HIVEP1: variants seen among roughly 807,000 people sequenced by gnomAD.
HIVEP1 encodes the protein HIVEP zinc finger 1, also known as zinc finger protein 40.
In HIVEP1, 36 loss-of-function variants were observed where a neutral mutation model predicts 180.0. That is an observed-to-expected ratio of 0.20 (90% CI 0.15 to 0.26). The LOEUF (loss-of-function observed/expected upper bound fraction) is 0.26, where lower values mean the gene tolerates loss of function less well. Ranked by LOEUF, HIVEP1 falls within the 10% of genes least tolerant of loss-of-function variation. The pLI is 1.00. For missense variants in HIVEP1, 3,143 were observed against 3,268.7 expected (o/e 0.96, Z 0.94); for synonymous variants, 1,239 against 1,239.0 (o/e 1.00, Z 0.00).
intron 7 of HIVEP1, among the ~76,000 whole-genome samples, chr6:12,152,446 TAA>T (rs1759762699): frequency 6.6e-6 from 1 of 152,092 alleles, no homozygotes; most frequent in African/African-American, 2.4e-5. Context: ...GGGAAGTATA[TAA>T]AGGACTTTTA....
At chr6:12,199,894 GC>G in the HIVEP1 span, among the ~76,000 whole-genome samples, 4 of 152,164 alleles carry the variant, frequency 2.6e-5, no homozygotes, top group Admixed American at 2.6e-4. Context: ...GCTGGGTGCT[GC>G]CCTGTCTGTG....
At chr6:12,039,727 G>A (rs1769544241) in intron 2 of HIVEP1, among the ~76,000 whole-genome samples, 1 of 152,186 alleles carries the variant, frequency 6.6e-6, no homozygotes, top group South Asian at 2.1e-4. Flanking sequence ...TCATTGGAAG[G>A]GGTGTCAGGT....
upstream of HIVEP1, among the ~76,000 whole-genome samples, chr6:12,009,207 A>AT (rs1767157125): frequency 6.8e-6 from 1 of 147,308 alleles, no homozygotes; most frequent in African/African-American, 2.5e-5. Context: ...GGGGTGCCTG[A>AT]GCCGGGCCCG....
intron 3 of HIVEP1, among the ~76,000 whole-genome samples, chr6:12,109,831 A>T (rs550249273): frequency 1.3e-5 from 2 of 152,318 alleles, no homozygotes; most frequent in Non-Finnish European, 2.9e-5. Context: ...AAGGCTTTCA[A>T]TTTGCTTTGC....
At chr6:12,206,913 G>A in the HIVEP1 span, among the ~76,000 whole-genome samples, 81 of 151,490 alleles carry the variant, frequency 5.3e-4, no homozygotes, top group Admixed American at 1.0e-3. Context: ...GGGTGATTGC[G>A]AGTAGGAGTG....
intron 2 of HIVEP1, among the ~76,000 whole-genome samples, chr6:12,081,274 G>A (rs754629195): frequency 1.3e-5 from 2 of 152,242 alleles, no homozygotes; most frequent in South Asian, 4.1e-4. Flanking sequence ...TTCACAGATT[G>A]CCTAGTTCCT....
chr6:12,054,640 A>G (rs1770746186), intron 2 of HIVEP1, among the ~76,000 whole-genome samples: 2 of 152,206 alleles, frequency 1.3e-5, no homozygotes, highest in African/African-American at 4.8e-5. Flanking sequence ...ACTGCATAAT[A>G]TTGTATCACA....
chr6:12,041,947 C>T (rs1216270518), intron 2 of HIVEP1, among the ~76,000 whole-genome samples: 4 of 151,778 alleles, frequency 2.6e-5, no homozygotes, highest in Non-Finnish European at 1.5e-5. Flanking sequence ...GTGTGAGTCA[C>T]CGTGCCTGGC....
At chr6:12,192,618 T>C in the HIVEP1 span, among the ~76,000 whole-genome samples, 1 of 152,096 alleles carries the variant, frequency 6.6e-6, no homozygotes, top group African/African-American at 2.4e-5. Context: ...GGCACTTCCC[T>C]CTTTGCTCTC....
At chr6:12,076,486 T>G (rs1179290440) in intron 2 of HIVEP1, among the ~76,000 whole-genome samples, 2 of 152,182 alleles carry the variant, frequency 1.3e-5, no homozygotes, top group Non-Finnish European at 2.9e-5. Flanking sequence ...TTTTCACAGT[T>G]CTGGGGGCTG....
chr6:12,165,365 C>T (rs1760673653), downstream of HIVEP1, among the ~76,000 whole-genome samples: 2 of 152,098 alleles, frequency 1.3e-5, no homozygotes, highest in African/African-American at 4.8e-5. Context: ...TCAGATGAGA[C>T]CCGTATAACC....
At chr6:12,105,699 C>T (rs2113420143) in intron 3 of HIVEP1, among the ~76,000 whole-genome samples, 1 of 152,274 alleles carries the variant, frequency 6.6e-6, no homozygotes, top group Middle Eastern at 3.4e-3. Context: ...ATGAAAATTA[C>T]ATACACACAC....
intron 3 of HIVEP1, among the ~76,000 whole-genome samples, chr6:12,115,319 A>C (rs1412572609): frequency 6.7e-6 from 1 of 150,088 alleles, no homozygotes; most frequent in South Asian, 2.1e-4. Flanking sequence ...CATAGAACAC[A>C]GGAATCTTAA....
intron 7 of HIVEP1, among the ~76,000 whole-genome samples, chr6:12,150,833 C>T (rs1000627570): frequency 1.3e-5 from 2 of 151,892 alleles, no homozygotes. Flanking sequence ...AATTTTTTCC[C>T]TAGGTTGCCA....
chr6:12,057,263 A>G (rs1770944034), intron 2 of HIVEP1, among the ~76,000 whole-genome samples: 1 of 152,190 alleles, frequency 6.6e-6, no homozygotes, highest in South Asian at 2.1e-4. Flanking sequence ...GGTGCATTTA[A>G]AAGTATTGCC....
the HIVEP1 span, among the ~76,000 whole-genome samples, chr6:12,177,990 A>G: frequency 0.038 from 5,722 of 152,310 alleles, 109 homozygotes; most frequent in Non-Finnish European, 0.045. Flanking sequence ...ATTTCAAAGT[A>G]TAACTATGAA....
chr6:12,164,099 T>C lies in HIVEP1; in HGVS notation c.7795T>C (p.Ser2599Pro). Residue 2599 changes from serine (S) to proline (P), a missense_variant, in exon 9 of 9, where the codon TCT (serine) becomes CCT (proline). By Grantham distance (74) the Ser-to-Pro change is moderately conservative (BLOSUM62 -1). Transcript: ENST00000379388. ...CGCAAACCAGGTCAGCAGGACCGAG[T>C]CTCCTCAGGGGTTACCTACAGTCCA... The part of the protein sequence containing the change: ...ASANQVSRTE[S>P]PQGLPTVQRE... The C allele has an allele frequency of 6.2e-7, 1 of 1,613,816 alleles. No individual in the cohort carries two copies.
intron 2 of HIVEP1, among the ~76,000 whole-genome samples, chr6:12,054,241 A>C (rs1193318196): frequency 6.6e-6 from 1 of 152,248 alleles, no homozygotes; most frequent in Non-Finnish European, 1.5e-5. Flanking sequence ...TATGCTGTGG[A>C]AACTATGGTA....
intron 7 of HIVEP1, among the ~76,000 whole-genome samples, chr6:12,143,782 C>G (rs148493085): frequency 2.6e-5 from 4 of 152,242 alleles, no homozygotes; most frequent in African/African-American, 9.6e-5. Flanking sequence ...AACTCCCATT[C>G]CCAATTGCTA....
Sources: allele counts gnomAD v4.1 joint callset (sites outside exome capture counted in the v4.1 genomes callset), GRCh38; gene constraint gnomAD v4.1.1; transcripts MANE v1.5; gene names NCBI Gene and HGNC (gene_info 2026-07-23, HGNC 2026-07-21).